SESN3: variants seen among roughly 807,000 people sequenced by gnomAD.
SESN3 encodes sestrin 3.
In SESN3, 21 loss-of-function variants were observed where a neutral mutation model predicts 55.3. That is an observed-to-expected ratio of 0.38 (90% CI 0.27 to 0.55). SESN3 has a LOEUF of 0.55. Ranked by LOEUF, SESN3 falls within the 20% of genes least tolerant of loss-of-function variation. The pLI is 0.76. For missense variants in SESN3, 408 were observed against 604.3 expected, an observed-to-expected ratio of 0.68 and a Z score of 3.41; for synonymous variants, 181 against 203.1, an observed-to-expected ratio of 0.89 and a Z score of 0.93.
upstream of SESN3, chr11:95,231,922 GAC>G (rs1215146167): frequency 6.6e-6 from 1 of 152,206 alleles, no homozygotes; most frequent in African/African-American, 2.4e-5. Context: ...TGAGGGGAGA[GAC>G]ACAAAACCTC....
At chr11:95,179,954 C>T (rs1860029393) in intron 6 of SESN3, among the ~76,000 whole-genome samples, 1 of 152,058 alleles carries the variant, frequency 6.6e-6, no homozygotes, top group African/African-American at 2.4e-5. Context: ...ATATCCAATG[C>T]ATATTAATTT....
chr11:95,223,495 CT>C (rs1390830131), intron 1 of SESN3, among the ~76,000 whole-genome samples: 2 of 152,066 alleles, frequency 1.3e-5, no homozygotes, highest in East Asian at 3.8e-4. Flanking sequence ...AGTGAAGGAA[CT>C]TTGTTTTTTT....
chr11:95,171,975 T>C lies in SESN3; in HGVS notation c.*1280A>G, dbSNP rs1859857539. 6.6e-6 allele frequency: 1 copy of C among 152,180 alleles called. No homozygotes were observed. Among genetic ancestry groups the C allele is most frequent in the Non-Finnish European group, 1.5e-5 (1 of 67,998 alleles). The allele number at this position is 152,180 out of a possible 1,614,324, so 9.4% of individuals were successfully genotyped here. On this transcript the variant is annotated 3_prime_UTR_variant, in exon 10 of 10. Transcript: ENST00000536441. Reference sequence around the variant, plus strand: ...TAAACCAGTTGTCCAAGGAGATTTTTCTGGGGAAGGGAATGCTTTGGCATT... The same window carrying C: ...TAAACCAGTTGTCCAAGGAGATTTTCCTGGGGAAGGGAATGCTTTGGCATT...
At chr11:95,190,906 G>C (rs1460939606) in intron 3 of SESN3, among the ~76,000 whole-genome samples, 1 of 151,940 alleles carries the variant, frequency 6.6e-6, no homozygotes, top group Non-Finnish European at 1.5e-5. Flanking sequence ...TGAATAACTA[G>C]TTAACCAGTT....
intron 1 of SESN3, among the ~76,000 whole-genome samples, chr11:95,198,792 G>C (rs754719428): frequency 2.4e-4 from 36 of 152,114 alleles, no homozygotes; most frequent in Non-Finnish European, 4.1e-4. Flanking sequence ...AGGACAATGC[G>C]AATCTAGGCT....
At chr11:95,173,373 C>T in intron 9 of SESN3, 32 bp from the exon 10 acceptor site, 1 of 1,382,972 alleles carries the variant, frequency 7.2e-7, no homozygotes, top group Non-Finnish European at 1.0e-6. Context: ...GTTTAGTAAC[C>T]ATTATAAACA....
In SESN3 at chr11:95,185,978, T is replaced by C. The variant is rs561659607; in HGVS notation, c.526-486A>G. Among the ~76,000 whole-genome samples, 4 of 152,136 alleles carry C rather than the reference T, an allele frequency of 2.6e-5. No homozygotes were observed. The South Asian group carries it at 6.2e-4, about 24-fold the overall frequency. ...GCAGATGACAGAAATTGTAGAATAC[T>C]ACCTCACATCTGAATAAGAATTTTA... is the stretch of plus-strand genomic sequence containing the variant. On this transcript the variant is annotated intron_variant, in intron 4 of 9. Transcript: ENST00000536441.
rs1204236974 is a variant in SESN3, at chr11:95,170,941, G to A, written c.*2314C>T. ...AAACTCCAACTACTTACATTTCCAG[G>A]GAAAAAAATAAACACAAACTAAGTG... On this transcript the variant is annotated 3_prime_UTR_variant, in exon 10 of 10. Transcript: ENST00000536441. The A allele has an allele frequency of 6.6e-6, 1 of 151,970 alleles. No individual in the cohort carries two copies. Among genetic ancestry groups the A allele is most frequent in the Admixed American group, 6.6e-5 (1 of 15,252 alleles). 9.4% of individuals were successfully genotyped at this position (151,970 alleles called of 1,614,324 possible).
In SESN3 at chr11:95,206,132, G is replaced by GAAGATA. The variant is rs546930786; in HGVS notation, c.79-12616_79-12611dup. Reference sequence around the variant, plus strand: ...ATGCCTGGTATCATTTTGTGAAAGAGAAGATAAACCTCATAAAAGTGGTTT... The same window carrying GAAGATA: ...ATGCCTGGTATCATTTTGTGAAAGAGAAGATAAAGATAAACCTCATAAAAGTGGTTT... On this transcript the variant is annotated intron_variant, in intron 1 of 9. Coordinates refer to ENST00000536441, the MANE Select transcript of SESN3 (RefSeq NM_144665.4). Among the ~76,000 whole-genome samples the GAAGATA allele has an allele frequency of 1.3e-4, 19 of 151,926 alleles. 1 individual carries two copies. The South Asian group carries it at 4.0e-3, about 32-fold the overall frequency.
At chr11:95,198,043 C>T (rs752865085) in intron 1 of SESN3, among the ~76,000 whole-genome samples, 4 of 152,190 alleles carry the variant, frequency 2.6e-5, no homozygotes, top group Non-Finnish European at 5.9e-5. Context: ...GCAACCCTGG[C>T]TCAGATTCAC....
intron 4 of SESN3, 148 bp from the exon 5 acceptor site, chr11:95,185,640 T>G (rs1247928650): frequency 1.6e-6 from 1 of 622,422 alleles, no homozygotes; most frequent in Non-Finnish European, 2.8e-6. Context: ...GTTAAAGATA[T>G]GATTTTGGCC....
chr11:95,200,586 G>A (rs995467018), intron 1 of SESN3, among the ~76,000 whole-genome samples: 4 of 151,798 alleles, frequency 2.6e-5, no homozygotes, highest in Non-Finnish European at 5.9e-5. Context: ...ATATTACAGG[G>A]GTGTCAGAAA....
In SESN3 at chr11:95,170,566, T is replaced by C. The variant is rs1859830618; in HGVS notation, c.*2689A>G. 1 of 152,212 alleles carries C rather than the reference T, an allele frequency of 6.6e-6. No individual in the cohort carries two copies. Among genetic ancestry groups the C allele is most frequent in the Admixed American group, 6.5e-5 (1 of 15,282 alleles). The allele number at this position is 152,212 out of a possible 1,614,324, so 9.4% of individuals were successfully genotyped here. A position where few individuals can be genotyped will look rare whatever the true frequency, so the allele number is the denominator to read the frequency against. On this transcript the variant is annotated 3_prime_UTR_variant, in exon 10 of 10. Coordinates refer to ENST00000536441, the MANE Select transcript of SESN3 (RefSeq NM_144665.4). ...TATCACATTTTAATATAAAAAGCTA[T>C]ACTATAAATTACTAAATAGTAAATT...
At chr11:95,179,709 G>A (rs1860026026) in intron 6 of SESN3, among the ~76,000 whole-genome samples, 1 of 152,086 alleles carries the variant, frequency 6.6e-6, no homozygotes, top group Non-Finnish European at 1.5e-5. Context: ...GAGCTAAGTA[G>A]GGGGGCTCAG....
In SESN3 at chr11:95,170,164, A is replaced by G. The variant is rs1273940558; in HGVS notation, c.*3091T>C. 6.6e-6 allele frequency: 1 copy of G among 152,212 alleles called. No homozygotes were observed. The highest frequency in any genetic ancestry group is 1.5e-5 in the Non-Finnish European group (1 of 68,034). The allele number at this position is 152,212 out of a possible 1,614,324, so 9.4% of individuals were successfully genotyped here. On this transcript the variant is annotated 3_prime_UTR_variant, in exon 10 of 10. Transcript: ENST00000536441. ...CCCCTAATAGTCATATATCCACCTG[A>G]GGAAGCCTCGTCTGAAGAAGCCAGT...
At chr11:95,194,447 A>T (rs977358254) in intron 1 of SESN3, among the ~76,000 whole-genome samples, 1 of 152,136 alleles carries the variant, frequency 6.6e-6, no homozygotes, top group African/African-American at 2.4e-5. Flanking sequence ...GAGCCTAATC[A>T]GATACTGTGA....
intron 1 of SESN3, among the ~76,000 whole-genome samples, chr11:95,229,434 A>G (rs1861009339): frequency 6.6e-6 from 1 of 152,214 alleles, no homozygotes; most frequent in South Asian, 2.1e-4. Context: ...CATATCCAAT[A>G]AACACAATTT....
chr11:95,215,208 C>G (rs115977398), intron 1 of SESN3, among the ~76,000 whole-genome samples: 1,803 of 144,532 alleles, frequency 0.012, 36 homozygotes, highest in African/African-American at 0.042. Flanking sequence ...TGTTACACTA[C>G]AGATGGTTGG....
chr11:95,232,443 C>G (rs1330330281), upstream of SESN3: 1 of 152,350 alleles, frequency 6.6e-6, no homozygotes, highest in Non-Finnish European at 1.5e-5. Flanking sequence ...AGATAACTTG[C>G]ATCGCCTACT....
Sources: gnomAD v4.1 joint callset for allele counts (sites outside exome capture counted in the v4.1 genomes callset) on GRCh38, gnomAD v4.1.1 for gene constraint, MANE v1.5 for transcripts, NCBI Gene and HGNC (gene_info 2026-07-23, HGNC 2026-07-21) for gene names.